TEX11: variants seen among roughly 807,000 people sequenced by gnomAD.
TEX11 encodes testis-expressed protein 11.
A neutral mutation model predicts 84.4 loss-of-function variants in TEX11; 7 were observed. The observed-to-expected ratio is 0.08, with a 90% CI of 0.05 to 0.16. The LOEUF (loss-of-function observed/expected upper bound fraction) is 0.16. Among genes scored for constraint, TEX11 ranks in the 10% least tolerant of loss-of-function variants. TEX11 has a pLI of 1.00. For missense variants in TEX11, 551 were observed against 660.5 expected, an observed-to-expected ratio of 0.83 and a Z score of 1.82; for synonymous variants, 264 against 222.8, an observed-to-expected ratio of 1.18 and a Z score of -1.64.
At chrX:70,829,529 T>C (rs2091365702) in intron 8 of TEX11, among the ~76,000 whole-genome samples, 2 of 104,199 alleles carry the variant, frequency 1.9e-5, no homozygotes, top group African/African-American at 7.2e-5. Flanking sequence ...AAAGACAGAA[T>C]GGTATCACAC....
At chrX:70,897,115 G>A (rs2091770102) in intron 2 of TEX11, among the ~76,000 whole-genome samples, 1 of 40,774 alleles carries the variant, frequency 2.5e-5, no homozygotes, top group Admixed American at 2.6e-4. Flanking sequence ...CTGGGCAACA[G>A]AGTAAGACTC....
chrX:70,812,681 A>G (rs1381955903), intron 8 of TEX11, among the ~76,000 whole-genome samples: 8 of 111,354 alleles, frequency 7.2e-5, no homozygotes, highest in Non-Finnish European at 1.5e-4. Flanking sequence ...AAAGATCAAC[A>G]AAATTGATAG....
chrX:70,631,077 C>T (rs914752122), intron 17 of TEX11, among the ~76,000 whole-genome samples: 26 of 111,966 alleles, frequency 2.3e-4, no homozygotes, highest in East Asian at 5.6e-4. Flanking sequence ...ATTTCAATAT[C>T]CTCTCTCAAT....
intron 25 of TEX11, among the ~76,000 whole-genome samples, chrX:70,588,254 G>A (rs59003731): frequency 0.082 from 9,079 of 111,022 alleles, 834 homozygotes; most frequent in African/African-American, 0.26. Flanking sequence ...GGGAGGGTCC[G>A]GGGTGGAACC....
At chrX:70,625,947 C>T (rs765210792) in intron 18 of TEX11, among the ~76,000 whole-genome samples, 1 of 109,975 alleles carries the variant, frequency 9.1e-6, no homozygotes, top group African/African-American at 3.3e-5. Context: ...GGGGTTTCAC[C>T]ATGTTGGCCA....
intron 13 of TEX11, among the ~76,000 whole-genome samples, chrX:70,721,489 T>G (rs2090558934): frequency 8.9e-6 from 1 of 112,004 alleles, no homozygotes; most frequent in Non-Finnish European, 1.9e-5. Context: ...GTCATCTAGC[T>G]CTATAATTAG....
At chrX:70,620,451 C>T (rs1218114860) in intron 20 of TEX11, among the ~76,000 whole-genome samples, 1 of 111,777 alleles carries the variant, frequency 8.9e-6, no homozygotes, top group Non-Finnish European at 1.9e-5. Flanking sequence ...ACTGACAACA[C>T]CAAATGCTGG....
At chrX:70,751,243 A>G (rs2090821985) in intron 9 of TEX11, among the ~76,000 whole-genome samples, 1 of 107,297 alleles carries the variant, frequency 9.3e-6, no homozygotes, top group Non-Finnish European at 1.9e-5. Context: ...CAAATGTCCA[A>G]CAATGATAGA....
intron 20 of TEX11, among the ~76,000 whole-genome samples, chrX:70,620,813 A>G (rs1388544802): frequency 1.8e-5 from 2 of 112,301 alleles, no homozygotes; most frequent in African/African-American, 6.5e-5. Context: ...AATGCATATT[A>G]CTAAGTGAAA....
intron 9 of TEX11, among the ~76,000 whole-genome samples, chrX:70,749,541 T>G (rs1266065972): frequency 9.4e-6 from 1 of 106,232 alleles, no homozygotes; most frequent in Non-Finnish European, 1.9e-5. Context: ...CCATTCAGTA[T>G]GATATTGGCT....
Position 70,822,786 on chromosome X carries a change from C to T in TEX11, c.606+10727G>A, listed in dbSNP as rs544128286. Among the ~76,000 whole-genome samples, 9 of 111,331 alleles carry T rather than the reference C, an allele frequency of 8.1e-5. No individual in the cohort carries two copies. In the South Asian group the frequency reaches 3.4e-3, roughly 42 times the overall value. On this transcript the variant is annotated intron_variant, in intron 8 of 29. Transcript: ENST00000374333. ...TAGAAGGCAAAGAGAAGCTAGCCTG[C>T]GCAGAAATCACATGGCTAGAGAGTG...
intron 17 of TEX11, among the ~76,000 whole-genome samples, chrX:70,640,994 C>T (rs2089649265): frequency 9.0e-6 from 1 of 110,765 alleles, no homozygotes; most frequent in African/African-American, 3.3e-5. Flanking sequence ...AGAGTCAAGA[C>T]CCATCAGTGT....
At chrX:70,760,309 A>G (rs1357451625) in intron 9 of TEX11, among the ~76,000 whole-genome samples, 2 of 112,116 alleles carry the variant, frequency 1.8e-5, no homozygotes, top group East Asian at 5.6e-4. Context: ...TTACCAAGAC[A>G]ATCCTAAGCA....
intron 13 of TEX11, among the ~76,000 whole-genome samples, chrX:70,710,123 C>CA (rs201812711): frequency 0.071 from 7,668 of 107,459 alleles, 233 homozygotes; most frequent in East Asian, 0.12. Flanking sequence ...TAATCAGCAT[C>CA]AAAAAAAAAG....
At chrX:70,681,806 T>G (rs2090149959) in intron 14 of TEX11, among the ~76,000 whole-genome samples, 1 of 111,469 alleles carries the variant, frequency 9.0e-6, no homozygotes. Context: ...TAAAAATAAT[T>G]GGTAAATGCC....
chrX:70,732,322 A>C (rs1459386274), intron 11 of TEX11, among the ~76,000 whole-genome samples: 1 of 111,427 alleles, frequency 9.0e-6, no homozygotes, highest in African/African-American at 3.3e-5. Context: ...GGCAGAAGGA[A>C]ATAAAGGGTA....
At chrX:70,807,974 G>A (rs1325786938) in intron 8 of TEX11, among the ~76,000 whole-genome samples, 1 of 107,102 alleles carries the variant, frequency 9.3e-6, no homozygotes, top group South Asian at 4.2e-4. Context: ...CGTGGTGGCA[G>A]GTGCCTGTAA....
chrX:70,547,751 T>C (rs956244210), intron 28 of TEX11, among the ~76,000 whole-genome samples: 1 of 111,596 alleles, frequency 9.0e-6, no homozygotes, highest in African/African-American at 3.3e-5. Flanking sequence ...ATGGCGATCA[T>C]TAAAAAGTCA....
intron 20 of TEX11, among the ~76,000 whole-genome samples, chrX:70,618,049 T>C (rs2089339291): frequency 8.9e-6 from 1 of 111,816 alleles, no homozygotes; most frequent in African/African-American, 3.2e-5. Context: ...TCAAAGAAGG[T>C]AAAAACAAAT....
Sources: gnomAD v4.1 joint callset for allele counts (sites outside exome capture counted in the v4.1 genomes callset) on GRCh38, gnomAD v4.1.1 for gene constraint, MANE v1.5 for transcripts, NCBI Gene and HGNC (gene_info 2026-07-23, HGNC 2026-07-21) for gene names.